The following MGAT4C variants were observed in gnomAD, a reference collection of about 807,000 sequenced individuals.
MGAT4C encodes the protein MGAT4 family member C.
Under a neutral mutation model 40.1 loss-of-function variants are expected in MGAT4C, and 19 were observed. The ratio of observed to expected loss-of-function variants is 0.47; its 90% CI spans 0.33 to 0.70. The LOEUF (loss-of-function observed/expected upper bound fraction) is 0.70, where lower values mean the gene tolerates loss of function less well. MGAT4C is among the 30% of genes least tolerant of loss of function. The probability of loss-of-function intolerance (pLI) is 0.02; values close to 1 mark genes in which losing one functional copy is unlikely to be tolerated. For missense variants in MGAT4C, 491 were observed against 563.2 expected (o/e 0.87, Z 1.30); for synonymous variants, 181 against 187.1 (o/e 0.97, Z 0.27).
intron 2 of MGAT4C, among the ~76,000 whole-genome samples, chr12:86,702,215 T>TC (rs1470167142): frequency 6.6e-6 from 1 of 151,276 alleles, no homozygotes; most frequent in Non-Finnish European, 1.5e-5. Context: ...GCTATTTTTT[T>TC]TTTTTTTTCA....
At chr12:86,041,876 C>T (rs1891887396) in intron 2 of MGAT4C, among the ~76,000 whole-genome samples, 1 of 152,144 alleles carries the variant, frequency 6.6e-6, no homozygotes, top group Non-Finnish European at 1.5e-5. Flanking sequence ...CGTTAGTTTT[C>T]TGCTTCGATG....
At chr12:86,629,835 T>C (rs1962968783) in intron 2 of MGAT4C, among the ~76,000 whole-genome samples, 1 of 151,868 alleles carries the variant, frequency 6.6e-6, no homozygotes, top group Non-Finnish European at 1.5e-5. Flanking sequence ...AACATCACAA[T>C]TAAAAGAACT....
chr12:86,150,495 T>C (rs1049752366), intron 1 of MGAT4C, among the ~76,000 whole-genome samples: 4 of 152,226 alleles, frequency 2.6e-5, no homozygotes, highest in African/African-American at 9.6e-5. Flanking sequence ...TTTGCATACA[T>C]GCTTTTTGCA....
intron 3 of MGAT4C, among the ~76,000 whole-genome samples, chr12:86,359,629 T>TA (rs1369121848): frequency 6.6e-6 from 1 of 151,600 alleles, no homozygotes; most frequent in Non-Finnish European, 1.5e-5. Context: ...ATAGACGCAA[T>TA]AAAAAATGAT....
At chr12:85,981,118 T>A (rs1243824934) in intron 4 of MGAT4C, among the ~76,000 whole-genome samples, 2 of 152,104 alleles carry the variant, frequency 1.3e-5, no homozygotes, top group East Asian at 1.9e-4. Flanking sequence ...TTCCAAGACA[T>A]AAGCACCACT....
At chr12:86,368,013 G>A (rs1955640592) in intron 3 of MGAT4C, among the ~76,000 whole-genome samples, 1 of 152,006 alleles carries the variant, frequency 6.6e-6, no homozygotes, top group Non-Finnish European at 1.5e-5. Flanking sequence ...CTTTTTAAAT[G>A]ATAATTATTA....
At chr12:86,480,295 G>GC (rs1957910699) in intron 2 of MGAT4C, among the ~76,000 whole-genome samples, 1 of 151,700 alleles carries the variant, frequency 6.6e-6, no homozygotes, top group African/African-American at 2.4e-5. Flanking sequence ...GAGGAAATAT[G>GC]TCTAGCTTTT....
intron 1 of MGAT4C, among the ~76,000 whole-genome samples, chr12:86,118,382 T>C (rs1878786186): frequency 6.6e-6 from 1 of 152,182 alleles, no homozygotes; most frequent in African/African-American, 2.4e-5. Context: ...CACATGGATC[T>C]TTGTATTTTA....
intron 1 of MGAT4C, among the ~76,000 whole-genome samples, chr12:86,830,779 T>A (rs1230248883): frequency 6.6e-6 from 1 of 151,374 alleles, no homozygotes; most frequent in African/African-American, 2.4e-5. Context: ...GACGTGGATA[T>A]CTACACCTCA....
chr12:86,287,130 T>C (rs1283035464), intron 4 of MGAT4C, among the ~76,000 whole-genome samples: 1 of 152,060 alleles, frequency 6.6e-6, no homozygotes, highest in East Asian at 1.9e-4. Context: ...CAAATGGTAG[T>C]TCCTCTTTGA....
intron 2 of MGAT4C, among the ~76,000 whole-genome samples, chr12:86,588,860 C>A (rs10776988): frequency 0.93 from 140,228 of 151,088 alleles, 65,156 homozygotes; most frequent in South Asian, 0.98. Context: ...CCAACGAGAA[C>A]AAAGACACAA....
chr12:86,465,551 T>TAA (rs150678314), intron 2 of MGAT4C, among the ~76,000 whole-genome samples: 156 of 150,192 alleles, frequency 1.0e-3, no homozygotes, highest in African/African-American at 3.4e-3. Context: ...AAACCTGAGT[T>TAA]AAAAAAAAAA....
At chr12:86,277,670 G>A (rs905368425) in intron 4 of MGAT4C, among the ~76,000 whole-genome samples, 1 of 152,112 alleles carries the variant, frequency 6.6e-6, no homozygotes, top group African/African-American at 2.4e-5. Context: ...ACCCAATTGT[G>A]TTCTTGGCAC....
At chr12:86,468,913 T>C (rs1057366349) in intron 2 of MGAT4C, among the ~76,000 whole-genome samples, 3 of 152,134 alleles carry the variant, frequency 2.0e-5, no homozygotes, top group Non-Finnish European at 4.4e-5. Context: ...CAGCTTACCA[T>C]CTGCTCTTTG....
intron 1 of MGAT4C, among the ~76,000 whole-genome samples, chr12:86,169,859 A>C (rs964620100): frequency 2.0e-5 from 3 of 152,228 alleles, no homozygotes. Context: ...TGTTTAAAAA[A>C]GTTTATGGAA....
rs143330503 is a variant in MGAT4C at position 86,436,823 on chromosome 12, T to C, written c.-228-1558A>G. On this transcript the variant is annotated intron_variant, in intron 2 of 7. Transcript: ENST00000548651. Reference sequence around the variant, plus strand: ...TGTGATACATTGAGACCTTTTCCTATGCCTAATTATTTTGGAAATTATTTG... The same window carrying C: ...TGTGATACATTGAGACCTTTTCCTACGCCTAATTATTTTGGAAATTATTTG... Among the ~76,000 whole-genome samples the C allele has an allele frequency of 8.8e-3, 1,339 of 151,912 alleles. 6 individuals are homozygous for C. The highest frequency in any genetic ancestry group is 0.015 in the Non-Finnish European group (1,024 of 67,770).
intron 3 of MGAT4C, among the ~76,000 whole-genome samples, chr12:86,335,303 ATCT>A (rs1275651789): frequency 6.6e-6 from 1 of 152,046 alleles, no homozygotes; most frequent in Non-Finnish European, 1.5e-5. Context: ...TGAGATGTAA[ATCT>A]TCTCTCTGCA....
intron 3 of MGAT4C, among the ~76,000 whole-genome samples, chr12:86,352,314 A>G (rs887698305): frequency 3.3e-5 from 5 of 152,038 alleles, no homozygotes; most frequent in African/African-American, 1.2e-4. Flanking sequence ...TAAAACTTTG[A>G]CATCCTTGAA....
At chr12:86,083,058 T>C (rs540913463) in intron 1 of MGAT4C, among the ~76,000 whole-genome samples, 1 of 152,116 alleles carries the variant, frequency 6.6e-6, no homozygotes, top group South Asian at 2.1e-4. Flanking sequence ...CTCTTACTTA[T>C]GTGTCCTTTA....
Sources: allele counts gnomAD v4.1 joint callset (sites outside exome capture counted in the v4.1 genomes callset), GRCh38; gene constraint gnomAD v4.1.1; transcripts MANE v1.5; gene names NCBI Gene and HGNC (gene_info 2026-07-23, HGNC 2026-07-21).